The following UNC13C variants were observed in gnomAD, a reference collection of about 807,000 sequenced individuals.
UNC13C encodes the protein unc-13 homolog C, also known as protein unc-13 homolog C.
In UNC13C, 174 loss-of-function variants were observed where a neutral mutation model predicts 245.4. The observed-to-expected ratio is 0.71, with a 90% CI of 0.63 to 0.80. UNC13C has a LOEUF of 0.80. UNC13C is among the 30% of genes least tolerant of loss of function. The pLI, the probability that UNC13C is intolerant of heterozygous loss-of-function variation, is 0.00. For missense variants in UNC13C, 2,829 were observed against 2,602.9 expected, an observed-to-expected ratio of 1.09 and a Z score of -1.89; for synonymous variants, 992 against 895.1, an observed-to-expected ratio of 1.11 and a Z score of -1.93.
chr15:54,320,279 T>A (rs1322009527), intron 13 of UNC13C, among the ~76,000 whole-genome samples: 4 of 151,956 alleles, frequency 2.6e-5, no homozygotes, highest in Non-Finnish European at 5.9e-5. Flanking sequence ...GTAGGGAAAC[T>A]CCTGCGCAGT....
chr15:54,500,536 G>C (rs1356859), intron 21 of UNC13C, among the ~76,000 whole-genome samples: 5 of 151,718 alleles, frequency 3.3e-5, no homozygotes, highest in Non-Finnish European at 7.4e-5. Flanking sequence ...TCCCAAAATC[G>C]TGAGCCACAA....
chr15:54,557,851 C>A (rs1390169804), intron 29 of UNC13C, among the ~76,000 whole-genome samples: 2 of 151,938 alleles, frequency 1.3e-5, no homozygotes, highest in Non-Finnish European at 2.9e-5. Flanking sequence ...TTGTAAATAT[C>A]CTGGGTGTTA....
the UNC13C span, among the ~76,000 whole-genome samples, chr15:53,841,952 A>G: frequency 6.6e-6 from 1 of 152,194 alleles, no homozygotes; most frequent in Non-Finnish European, 1.5e-5. Context: ...TTTCTGGGTC[A>G]CTTTGGGGAA....
chr15:54,529,637 G>A (rs1895644177), intron 25 of UNC13C, among the ~76,000 whole-genome samples: 1 of 152,162 alleles, frequency 6.6e-6, no homozygotes, highest in Admixed American at 6.6e-5. Flanking sequence ...GCATTATATA[G>A]TGAACATTCC....
At chr15:54,406,518 T>C (rs979483665) in intron 18 of UNC13C, among the ~76,000 whole-genome samples, 12 of 152,208 alleles carry the variant, frequency 7.9e-5, no homozygotes, top group Admixed American at 7.2e-4. Context: ...TGGGGTAGCA[T>C]GTCCTAAATC....
At chr15:53,952,576 ACTT>A in the UNC13C span, among the ~76,000 whole-genome samples, 1 of 152,122 alleles carries the variant, frequency 6.6e-6, no homozygotes, top group African/African-American at 2.4e-5. Flanking sequence ...AAAAATACTG[ACTT>A]CTTTCTGGCT....
chr15:54,454,801 T>C (rs201389231), intron 19 of UNC13C, among the ~76,000 whole-genome samples: 3 of 139,572 alleles, frequency 2.1e-5, no homozygotes, highest in East Asian at 2.4e-4. Context: ...AAATTTTATT[T>C]ATTCATTCAT....
At chr15:54,344,577 G>A (rs2038816022) in intron 17 of UNC13C, among the ~76,000 whole-genome samples, 2 of 152,090 alleles carry the variant, frequency 1.3e-5, no homozygotes, top group South Asian at 2.1e-4. Flanking sequence ...TCTAAAGGAA[G>A]CATCCATTGG....
chr15:54,069,683 G>T (rs1205925060), intron 2 of UNC13C, among the ~76,000 whole-genome samples: 2 of 152,182 alleles, frequency 1.3e-5, no homozygotes, highest in African/African-American at 2.4e-5. Context: ...GAATGTTCAG[G>T]TCAGCTCAGA....
chr15:53,890,744 T>A, the UNC13C span, among the ~76,000 whole-genome samples: 1 of 135,032 alleles, frequency 7.4e-6, no homozygotes, highest in South Asian at 2.3e-4. Flanking sequence ...GTCTGTTTGA[T>A]TCTTCTCTCT....
chr15:53,870,039 T>C, the UNC13C span, among the ~76,000 whole-genome samples: 11 of 152,252 alleles, frequency 7.2e-5, no homozygotes, highest in African/African-American at 2.4e-4. Context: ...TTTGTGTCTA[T>C]ATTCTATAAC....
intron 2 of UNC13C, among the ~76,000 whole-genome samples, chr15:54,114,148 C>T (rs1029617002): frequency 2.0e-5 from 3 of 152,172 alleles, no homozygotes; most frequent in African/African-American, 7.2e-5. Flanking sequence ...GATGTTACCT[C>T]CTTAATGTAT....
At chr15:54,456,591 T>A (rs1332987479) in intron 19 of UNC13C, among the ~76,000 whole-genome samples, 1 of 33,156 alleles carries the variant, frequency 3.0e-5, no homozygotes, top group Non-Finnish European at 7.9e-5. Flanking sequence ...TCCTATGTAT[T>A]TTATTTATTT....
chr15:54,428,157 A>G (rs953454938), intron 19 of UNC13C, among the ~76,000 whole-genome samples: 2 of 151,786 alleles, frequency 1.3e-5, no homozygotes, highest in Non-Finnish European at 2.9e-5. Context: ...GTAGACTCAG[A>G]TATCTCTTTA....
At chr15:54,415,747 A>G (rs911815983) in intron 19 of UNC13C, among the ~76,000 whole-genome samples, 2 of 152,180 alleles carry the variant, frequency 1.3e-5, no homozygotes, top group Non-Finnish European at 2.9e-5. Flanking sequence ...AGGGGATGCA[A>G]CAGTGAACAA....
chr15:54,549,204 C>T (rs905176394), intron 27 of UNC13C, among the ~76,000 whole-genome samples: 1 of 152,078 alleles, frequency 6.6e-6, no homozygotes, highest in African/African-American at 2.4e-5. Context: ...AGAGGGTAGT[C>T]GCTAATAGAC....
At chr15:54,381,722 C>A (rs111666726) in intron 17 of UNC13C, among the ~76,000 whole-genome samples, 2 of 151,924 alleles carry the variant, frequency 1.3e-5, no homozygotes, top group African/African-American at 4.8e-5. Context: ...TATATGCACC[C>A]AGATTCATAA....
At chr15:54,102,643 A>G (rs897837158) in intron 2 of UNC13C, among the ~76,000 whole-genome samples, 1 of 152,202 alleles carries the variant, frequency 6.6e-6, no homozygotes, top group Non-Finnish European at 1.5e-5. Flanking sequence ...TACTTTCTCA[A>G]TGTGGAGCAC....
chr15:54,589,823 C>A (rs1898690142), intron 30 of UNC13C, among the ~76,000 whole-genome samples: 1 of 152,072 alleles, frequency 6.6e-6, no homozygotes. Context: ...AGCTATTTAT[C>A]TTTGTTTTCA....
Sources: gnomAD v4.1 joint callset for allele counts (sites outside exome capture counted in the v4.1 genomes callset) on GRCh38, gnomAD v4.1.1 for gene constraint, MANE v1.5 for transcripts, NCBI Gene and HGNC (gene_info 2026-07-23, HGNC 2026-07-21) for gene names.